Variants in RRP15 observed in about 807,000 individuals in gnomAD.
The protein encoded by RRP15 is ribosomal RNA processing 15 homolog, also known as RRP15-like protein.
A neutral mutation model predicts 27.1 loss-of-function variants in RRP15; 18 were observed. That is an observed-to-expected ratio of 0.66 (90% CI 0.46 to 0.98). The LOEUF is 0.98. RRP15 is among the 50% of genes least tolerant of loss of function. RRP15 has a pLI of 0.00. For missense variants in RRP15, 359 were observed against 337.8 expected, an observed-to-expected ratio of 1.06 and a Z score of -0.49; for synonymous variants, 107 against 109.4, an observed-to-expected ratio of 0.98 and a Z score of 0.14.
At chr1:218,291,503 AAAAG>A (rs980740894) in intron 1 of RRP15, among the ~76,000 whole-genome samples, 2 of 151,580 alleles carry the variant, frequency 1.3e-5, no homozygotes, top group African/African-American at 4.8e-5. Context: ...AAGGAAAAAA[AAAAG>A]AAAGAAATCA....
chr1:218,296,507 G>A (rs961966795), intron 1 of RRP15, among the ~76,000 whole-genome samples: 5 of 151,920 alleles, frequency 3.3e-5, no homozygotes, highest in Non-Finnish European at 5.9e-5. Flanking sequence ...TTAGCTCAGC[G>A]TGGTGGTGTG....
rs1656421617 is a variant in RRP15, at chr1:218,334,560, T to A, written c.*3469T>A. On this transcript the variant is annotated 3_prime_UTR_variant, in exon 5 of 5. Coordinates refer to ENST00000366932, the MANE Select transcript of RRP15 (RefSeq NM_016052.4). ...TTATGTAGAGCTGTGAATATTATAA[T>A]TTGTCAATACTTTATTGATAATGTT... 1 of 152,204 alleles carries A rather than the reference T, an allele frequency of 6.6e-6. No individual in the cohort carries two copies. Among genetic ancestry groups the A allele is most frequent in the African/African-American group, 2.4e-5 (1 of 41,458 alleles). The allele number at this position is 152,204 out of a possible 1,614,324, so 9.4% of individuals were successfully genotyped here.
chr1:218,307,577 T>C lies in RRP15; in HGVS notation c.650T>C (p.Met217Thr). The change falls in exon 4 of 5, where the codon ATG becomes ACG. Residue 217 changes from methionine to threonine, a missense_variant. Coordinates refer to ENST00000366932, the MANE Select transcript of RRP15 (RefSeq NM_016052.4). ...GATTTCATCAGTGTTTTGAGAGGGA[T>C]GGATGGAAGTACAAATGAGACTGCT... Reference protein sequence around the residue: ...KKDFISVLRGMDGSTNETASS... With the variant: ...KKDFISVLRGTDGSTNETASS... 6.2e-7 allele frequency: 1 copy of C among 1,613,934 alleles called. No individual in the cohort carries two copies.
intron 4 of RRP15, among the ~76,000 whole-genome samples, chr1:218,319,760 T>C (rs1334855407): frequency 6.6e-6 from 1 of 152,242 alleles, no homozygotes; most frequent in Non-Finnish European, 1.5e-5. Flanking sequence ...TGTTTTCTTA[T>C]GTAAGCTTTT....
At chr1:218,308,601 T>C (rs1451011258) in intron 4 of RRP15, among the ~76,000 whole-genome samples, 1 of 152,152 alleles carries the variant, frequency 6.6e-6, no homozygotes, top group Admixed American at 6.5e-5. Flanking sequence ...AAGAAGAGCA[T>C]TTAGGAATTT....
rs189058372 is a variant in RRP15 at position 218,292,717 on chromosome 1, A to G, written c.139+7262A>G. Among the ~76,000 whole-genome samples, 158 of 152,298 alleles carry G rather than the reference A, an allele frequency of 1.0e-3. 3 individuals are homozygous for G. The highest frequency in any genetic ancestry group is 9.9e-3 in the Admixed American group (151 of 15,302). On this transcript the variant is annotated intron_variant, in intron 1 of 4. Coordinates refer to ENST00000366932, the MANE Select transcript of RRP15 (RefSeq NM_016052.4). ...AAACTGGCAACAGTCTGCATACCCA[A>G]CCTGTGTGATCTGACCACTGCTTGC...
intron 1 of RRP15, among the ~76,000 whole-genome samples, chr1:218,293,722 A>G (rs1277011201): frequency 6.6e-6 from 1 of 152,178 alleles, no homozygotes; most frequent in East Asian, 1.9e-4. Flanking sequence ...AAAGTAGAAG[A>G]GTGTGCTTTC....
chr1:218,336,221 A>G lies in RRP15; in HGVS notation c.*5130A>G, dbSNP rs1656445048. The stretch of plus-strand genomic sequence containing the variant: ...TAGCATATACTCAACATACTGCCAG[A>G]GCAAATGTAGGTTGCAGATTCAGGC... On this transcript the variant is annotated 3_prime_UTR_variant, in exon 5 of 5. Coordinates refer to ENST00000366932, the MANE Select transcript of RRP15 (RefSeq NM_016052.4). The G allele has an allele frequency of 6.6e-6, 1 of 152,444 alleles. No homozygotes were observed. The highest frequency in any genetic ancestry group is 1.5e-5 in the Non-Finnish European group (1 of 68,046). 9.4% of individuals were successfully genotyped at this position (152,444 alleles called of 1,614,324 possible). A position where few individuals can be genotyped will look rare whatever the true frequency, so the allele number is the denominator to read the frequency against.
At chr1:218,303,140 TTA>T (rs1185984499) in intron 2 of RRP15, among the ~76,000 whole-genome samples, 1 of 152,200 alleles carries the variant, frequency 6.6e-6, no homozygotes, top group Non-Finnish European at 1.5e-5. Context: ...TTGTGGTTTA[TTA>T]TAAAAGCTAA....
chr1:218,298,788 A>G (rs1211413313), intron 1 of RRP15, among the ~76,000 whole-genome samples: 2 of 152,222 alleles, frequency 1.3e-5, no homozygotes, highest in East Asian at 3.8e-4. Context: ...TGAAATACTC[A>G]ATAGGCTCTT....
At chr1:218,310,419 G>A (rs1020818374) in intron 4 of RRP15, among the ~76,000 whole-genome samples, 1 of 152,078 alleles carries the variant, frequency 6.6e-6, no homozygotes, top group Admixed American at 6.6e-5. Context: ...CTTTTTCCCA[G>A]TTATATGTGT....
In RRP15 at chr1:218,285,453, A is replaced by G. The variant is rs576784895; in HGVS notation, c.137A>G (p.Glu46Gly). ...GAGGCCACAGACACTTCTGATAGTG[A>G]AGGTAATGTGGTAGGGCTGAGCTTT... The part of the protein sequence containing the change: ...EDEATDTSDS[E>G]GSCGSEKDHF... Residue 46 changes from glutamate (E) to glycine (G), a missense_variant and splice_region_variant, in exon 1 of 5, where the codon GAA (glutamate) becomes GGA (glycine). By Grantham distance (98) the Glu-to-Gly change is moderately conservative. Transcript: ENST00000366932. 2 of 1,614,052 alleles carry G rather than the reference A, an allele frequency of 1.2e-6. No individual in the cohort carries two copies. Among genetic ancestry groups the G allele is most frequent in the East Asian group, 4.5e-5 (2 of 44,868 alleles).
At chr1:218,315,617 T>A (rs72738810) in intron 4 of RRP15, among the ~76,000 whole-genome samples, 7,294 of 151,682 alleles carry the variant, frequency 0.048, 229 homozygotes, top group Non-Finnish European at 0.072. Flanking sequence ...TTTTATTTTT[T>A]TTTTTTTGTA....
intron 4 of RRP15, among the ~76,000 whole-genome samples, chr1:218,328,813 A>G (rs879626049): frequency 3.3e-5 from 5 of 151,824 alleles, no homozygotes; most frequent in Non-Finnish European, 5.9e-5. Context: ...TTGTAGAAAC[A>G]CTCTGTGTTG....
chr1:218,298,259 C>T (rs1655753227), intron 1 of RRP15, among the ~76,000 whole-genome samples: 1 of 152,172 alleles, frequency 6.6e-6, no homozygotes, highest in South Asian at 2.1e-4. Context: ...CATTAAGAAA[C>T]AACTTGAATA....
At chr1:218,324,087 GTCC>G (rs1258928486) in intron 4 of RRP15, among the ~76,000 whole-genome samples, 2 of 152,190 alleles carry the variant, frequency 1.3e-5, no homozygotes, top group Admixed American at 6.5e-5. Flanking sequence ...CCAGGCCCAA[GTCC>G]TCCTCTTGGC....
At chr1:218,306,084 C>T (rs1481105099) in intron 3 of RRP15, among the ~76,000 whole-genome samples, 1 of 152,058 alleles carries the variant, frequency 6.6e-6, no homozygotes, top group Non-Finnish European at 1.5e-5. Context: ...AAATTTATGT[C>T]CTAGGCGCCT....
chr1:218,291,720 C>CG (rs1027655941), intron 1 of RRP15, among the ~76,000 whole-genome samples: 5 of 151,600 alleles, frequency 3.3e-5, no homozygotes, highest in Admixed American at 2.6e-4. Context: ...TTAGTAGAGA[C>CG]GGGGTTTCAA....
At chr1:218,315,281 C>T (rs1356310552) in intron 4 of RRP15, among the ~76,000 whole-genome samples, 1 of 152,078 alleles carries the variant, frequency 6.6e-6, no homozygotes, top group African/African-American at 2.4e-5. Context: ...CAACTTAGAC[C>T]CAGACTCCAA....
Sources: gnomAD v4.1 joint callset for allele counts (sites outside exome capture counted in the v4.1 genomes callset) on GRCh38, gnomAD v4.1.1 for gene constraint, MANE v1.5 for transcripts, NCBI Gene and HGNC (gene_info 2026-07-23, HGNC 2026-07-21) for gene names.